Variants in TJP1 observed in about 807,000 individuals in gnomAD.
TJP1 encodes tight junction protein 1, also known as tight junction protein ZO-1.
A neutral mutation model predicts 194.2 loss-of-function variants in TJP1; 43 were observed. The ratio of observed to expected loss-of-function variants is 0.22; its 90% CI spans 0.17 to 0.29. The LOEUF is 0.29. Ranked by LOEUF, TJP1 falls within the 10% of genes least tolerant of loss-of-function variation. The pLI, the probability that TJP1 is intolerant of heterozygous loss-of-function variation, is 1.00. For missense variants in TJP1, 1,971 were observed against 2,185.7 expected (o/e 0.90, Z 1.96); for synonymous variants, 801 against 779.0 (o/e 1.03, Z -0.47).
intron 2 of TJP1, among the ~76,000 whole-genome samples, chr15:29,923,073 G>A (rs544799534): frequency 6.6e-6 from 1 of 152,230 alleles, no homozygotes; most frequent in East Asian, 1.9e-4. Flanking sequence ...GTGTGATGAA[G>A]ACAAGTTCCT....
intron 2 of TJP1, chr15:29,956,154 G>T (rs989392982): frequency 1.7e-5 from 18 of 1,081,492 alleles, no homozygotes; most frequent in Non-Finnish European, 2.0e-5. Context: ...TAAGTCTGCT[G>T]CATTTTTATG....
intron 8 of TJP1, among the ~76,000 whole-genome samples, chr15:29,752,384 G>GT (rs761209339): frequency 6.6e-6 from 1 of 152,168 alleles, no homozygotes; most frequent in Admixed American, 6.5e-5. Flanking sequence ...GATTACAGGT[G>GT]TAAGCCATCG....
At chr15:29,949,610 TTCAC>T (rs2055526851) in intron 2 of TJP1, among the ~76,000 whole-genome samples, 2 of 22,928 alleles carry the variant, frequency 8.7e-5, no homozygotes, top group Non-Finnish European at 1.7e-4. Context: ...CACCTCCACC[TTCAC>T]CACCACCACC....
chr15:29,900,064 G>A (rs2053590314), intron 2 of TJP1, among the ~76,000 whole-genome samples: 1 of 152,072 alleles, frequency 6.6e-6, no homozygotes, highest in Admixed American at 6.6e-5. Context: ...GGAAACTCAG[G>A]GTGGGGGGAT....
chr15:29,853,152 TCA>T (rs960533950), intron 2 of TJP1, among the ~76,000 whole-genome samples: 7 of 152,198 alleles, frequency 4.6e-5, no homozygotes, highest in African/African-American at 1.7e-4. Flanking sequence ...CCCAAAAGTT[TCA>T]TTCTGTTTTG....
At chr15:29,731,163 A>G (rs931722841) in intron 15 of TJP1, among the ~76,000 whole-genome samples, 2 of 151,594 alleles carry the variant, frequency 1.3e-5, no homozygotes, top group African/African-American at 2.4e-5. Context: ...TATGTCACTA[A>G]TAGAATGTCT....
At chr15:29,746,759 GTTTC>G (rs1388138272) in intron 8 of TJP1, among the ~76,000 whole-genome samples, 7 of 151,976 alleles carry the variant, frequency 4.6e-5, no homozygotes, top group Admixed American at 1.3e-4. Flanking sequence ...TCAGGAAAAG[GTTTC>G]TTTCTATGTT....
At chr15:29,918,675 G>A (rs1381061260) in intron 2 of TJP1, among the ~76,000 whole-genome samples, 1 of 152,120 alleles carries the variant, frequency 6.6e-6, no homozygotes, top group Non-Finnish European at 1.5e-5. Flanking sequence ...GGAGGTCGAG[G>A]CTGCAGTAAG....
chr15:29,814,173 G>C (rs2049733265), intron 1 of TJP1, among the ~76,000 whole-genome samples: 1 of 152,110 alleles, frequency 6.6e-6, no homozygotes, highest in Admixed American at 6.5e-5. Context: ...TAAACAGCAA[G>C]CCCAGGTTTA....
At chr15:29,790,289 A>T (rs888442427) in intron 2 of TJP1, among the ~76,000 whole-genome samples, 4 of 152,232 alleles carry the variant, frequency 2.6e-5, no homozygotes, top group Non-Finnish European at 5.9e-5. Flanking sequence ...GACAGTTGAA[A>T]GTACCATTCT....
rs753108172 is a variant in TJP1, at chr15:29,718,765, C to T, written c.3377G>A (p.Arg1126Gln). 3.6e-5 allele frequency: 58 copies of T among 1,614,036 alleles called. No individual in the cohort carries two copies. Among genetic ancestry groups the T allele is most frequent in the East Asian group, 1.1e-4 (5 of 44,884 alleles). Residue 1126 changes from arginine to glutamine, a missense_variant, in exon 21 of 28, where the codon CGA becomes CAA. Physicochemically the swap from Arg to Gln is conservative, Grantham distance 43. Transcript: ENST00000614355. ...CTCTTCAAAACGTGGAAAGTACCCT[C>T]GTTCTGAGGACTCTTCGGGATGCTG... ...SRQHPEESSE[R>Q]GYFPRFEEPA...
At chr15:29,818,708 G>T (rs903816238) in intron 1 of TJP1, among the ~76,000 whole-genome samples, 2 of 150,292 alleles carry the variant, frequency 1.3e-5, no homozygotes, top group African/African-American at 4.9e-5. Context: ...AGTAGAGACG[G>T]GGTTTCACCA....
At position 29,732,403 on chromosome 15, in the gene TJP1, C is replaced by T. The variant is rs758057294; in HGVS notation, c.2017+30G>A. On this transcript the variant is annotated intron_variant, in intron 15 of 27. Transcript: ENST00000614355. ...TCACTTTAGAGGTGTAACTCCCAACCTCATTTAAGTTAGCCTTGAGGCTAC... is the reference window on the plus strand; with the variant it reads ...TCACTTTAGAGGTGTAACTCCCAACTTCATTTAAGTTAGCCTTGAGGCTAC... 11 of 1,592,428 alleles carry T rather than the reference C, an allele frequency of 6.9e-6. No homozygotes were observed. The African/African-American group carries it at 9.4e-5, about 14-fold the overall frequency.
At chr15:29,872,084 C>T (rs1450148912) in intron 2 of TJP1, among the ~76,000 whole-genome samples, 2 of 152,096 alleles carry the variant, frequency 1.3e-5, no homozygotes, top group South Asian at 2.1e-4. Flanking sequence ...TCGTAGGCAG[C>T]GGGGGACACA....
At chr15:29,833,067 A>C (rs2050887566) in intron 2 of TJP1, among the ~76,000 whole-genome samples, 1 of 152,166 alleles carries the variant, frequency 6.6e-6, no homozygotes, top group African/African-American at 2.4e-5. Flanking sequence ...TCCTTGCCAA[A>C]GGTTTTTGCT....
At chr15:29,760,336 A>AGAGTTTACTCTG (rs2045920547) in intron 8 of TJP1, 1 of 692,088 alleles carries the variant, frequency 1.4e-6, no homozygotes, top group Non-Finnish European at 2.6e-6. Flanking sequence ...CAGGTAGGTC[A>AGAGTTTACTCTG]TATACTACCA....
chr15:29,786,575 C>T (rs544210883), intron 2 of TJP1, among the ~76,000 whole-genome samples: 1 of 152,290 alleles, frequency 6.6e-6, no homozygotes, highest in East Asian at 1.9e-4. Flanking sequence ...TCACAGCTGA[C>T]TGTAACCTCA....
intron 2 of TJP1, among the ~76,000 whole-genome samples, chr15:29,951,355 A>G (rs2055745580): frequency 6.6e-6 from 1 of 152,024 alleles, no homozygotes; most frequent in South Asian, 2.1e-4. Flanking sequence ...TTTAGTAGAG[A>G]CAGGGTTTTA....
intron 1 of TJP1, among the ~76,000 whole-genome samples, chr15:29,820,836 G>A (rs1423687332): frequency 1.3e-5 from 2 of 152,154 alleles, no homozygotes; most frequent in African/African-American, 2.4e-5. Flanking sequence ...CTTAAACGAA[G>A]AATACTATAT....
Sources: allele counts gnomAD v4.1 joint callset (sites outside exome capture counted in the v4.1 genomes callset), GRCh38; gene constraint gnomAD v4.1.1; transcripts MANE v1.5; gene names NCBI Gene and HGNC (gene_info 2026-07-23, HGNC 2026-07-21).